Variants in RNF216 observed in about 807,000 individuals in gnomAD.
The protein encoded by RNF216 is E3 ubiquitin-protein ligase RNF216.
Under a neutral mutation model 110.8 loss-of-function variants are expected in RNF216, and 72 were observed. The observed-to-expected ratio is 0.65, with a 90% CI of 0.54 to 0.79. The LOEUF is 0.79. Ranked by LOEUF, RNF216 falls within the 30% of genes least tolerant of loss-of-function variation. The pLI, the probability that RNF216 is intolerant of heterozygous loss-of-function variation, is 0.00. For missense variants in RNF216, 1,342 were observed against 1,141.2 expected (o/e 1.18, Z -2.54); for synonymous variants, 495 against 407.5 (o/e 1.21, Z -2.59).
intron 2 of RNF216, among the ~76,000 whole-genome samples, chr7:5,756,108 G>C (rs537701363): frequency 1.5e-5 from 2 of 133,594 alleles, no homozygotes; most frequent in African/African-American, 5.0e-5. Context: ...TTCTGCTCTC[G>C]TGATAGTGAG....
intron 15 of RNF216, among the ~76,000 whole-genome samples, chr7:5,636,013 C>A (rs925641453): frequency 6.6e-6 from 1 of 152,182 alleles, no homozygotes; most frequent in African/African-American, 2.4e-5. Flanking sequence ...AAGACAAACA[C>A]GGACTTTGTT....
chr7:5,647,646 C>G (rs529398845), intron 14 of RNF216, among the ~76,000 whole-genome samples: 34 of 152,204 alleles, frequency 2.2e-4, no homozygotes, highest in Non-Finnish European at 4.9e-4. Context: ...TACTTAATCT[C>G]TCCCACTCCT....
intron 13 of RNF216, among the ~76,000 whole-genome samples, chr7:5,675,126 T>G (rs192186366): frequency 3.5e-4 from 53 of 152,348 alleles, no homozygotes; most frequent in African/African-American, 1.1e-3. Context: ...TTTTTTATTT[T>G]AAATAATGGC....
At chr7:5,745,367 G>C (rs1171469819) in intron 3 of RNF216, among the ~76,000 whole-genome samples, 1 of 152,084 alleles carries the variant, frequency 6.6e-6, no homozygotes, top group Non-Finnish European at 1.5e-5. Flanking sequence ...AAAGCAAAAA[G>C]GCACCATCAC....
At chr7:5,673,106 CT>C (rs1790027881) in intron 13 of RNF216, among the ~76,000 whole-genome samples, 1 of 152,156 alleles carries the variant, frequency 6.6e-6, no homozygotes, top group Non-Finnish European at 1.5e-5. Flanking sequence ...CCACCACTCT[CT>C]GGACCTCCGG....
chr7:5,636,938 G>A (rs1028220471), intron 15 of RNF216, among the ~76,000 whole-genome samples: 4 of 152,162 alleles, frequency 2.6e-5, no homozygotes, highest in Admixed American at 2.6e-4. Context: ...AACGGGAGGA[G>A]GCAGCAGAAG....
intron 8 of RNF216, among the ~76,000 whole-genome samples, chr7:5,722,380 T>TG (rs1793483803): frequency 7.7e-6 from 1 of 130,402 alleles, no homozygotes; most frequent in Admixed American, 7.9e-5. Context: ...TTTTTTTTTT[T>TG]GTTTGTTTGT....
At chr7:5,707,685 T>C (rs942604594) in intron 13 of RNF216, among the ~76,000 whole-genome samples, 1 of 149,870 alleles carries the variant, frequency 6.7e-6, no homozygotes, top group Non-Finnish European at 1.5e-5. Context: ...TTCCTGATCT[T>C]AGTAAAAAAA....
rs35195410 is a variant in RNF216 at position 5,768,294 on chromosome 7, G to GA, written c.-69-7157dup. Among the ~76,000 whole-genome samples, 964 of 116,704 alleles carry GA rather than the reference G, an allele frequency of 8.3e-3. 31 individuals carry two copies. Among genetic ancestry groups the GA allele is most frequent in the African/African-American group, 0.03 (918 of 30,546 alleles). The allele number at this position is 116,704 out of a possible 152,430, so 76.6% of individuals were successfully genotyped here. ...AGTGAGATCTTGTCGCTATTAGGGG[G>GA]AAAAAAAAAAAAAAAGGCTGGGTCC... On this transcript the variant is annotated intron_variant, in intron 1 of 16. Transcript: ENST00000389902.
rs764955187 is a variant in RNF216, at chr7:5,622,872, C to T, written c.2760G>A (p.Arg920=). The T allele has an allele frequency of 5.4e-5, 87 of 1,600,982 alleles. No individual in the cohort carries two copies. The highest frequency in any genetic ancestry group is 7.2e-5 in the Non-Finnish European group (84 of 1,171,118). ...NLPMHFGPQP[R]HRF Reference sequence around the variant, plus strand: ...GGATTCGGGGCCATCAGAAGCGATGCCGCGGCTGGGGGCCAAAGTGCATGG... The same window carrying T: ...GGATTCGGGGCCATCAGAAGCGATGTCGCGGCTGGGGGCCAAAGTGCATGG... The change falls in exon 17 of 17, where the codon CGG becomes CGA. Residue 920 remains arginine, a synonymous_variant. Coordinates refer to ENST00000389902, the MANE Select transcript of RNF216 (RefSeq NM_207111.4).
At chr7:5,730,578 A>T in intron 6 of RNF216, 137 bp downstream of exon 6, 1 of 1,130,842 alleles carries the variant, frequency 8.8e-7, no homozygotes, top group Non-Finnish European at 1.2e-6. Context: ...ATATTCTGAA[A>T]TCCTATGTCC....
intron 8 of RNF216, among the ~76,000 whole-genome samples, chr7:5,721,431 A>T (rs546373361): frequency 6.6e-6 from 1 of 152,222 alleles, no homozygotes; most frequent in African/African-American, 2.4e-5. Context: ...TCACTAGTGT[A>T]CTATGTGAAT....
intron 1 of RNF216, among the ~76,000 whole-genome samples, chr7:5,768,328 G>A (rs7782328): frequency 0.24 from 20,782 of 86,930 alleles, 2,472 homozygotes; most frequent in Middle Eastern, 0.43. Context: ...CCAGTAGTGG[G>A]AGGCCGAGGC....
At chr7:5,719,118 T>C (rs189802957) in intron 9 of RNF216, among the ~76,000 whole-genome samples, 14 of 152,312 alleles carry the variant, frequency 9.2e-5, no homozygotes, top group Admixed American at 3.3e-4. Context: ...TGGTGGTGCA[T>C]GCCTGTAACC....
At position 5,622,965 on chromosome 7, in the gene RNF216, G is replaced by A; in HGVS notation, c.2667C>T (p.Pro889=). Reference sequence around the variant, plus strand: ...AGTTGACCCGCACGTTGGGCAGAGGGGGCACGTACGGGGCTGGGATAGGCC... The same window carrying A: ...AGTTGACCCGCACGTTGGGCAGAGGAGGCACGTACGGGGCTGGGATAGGCC... ...NMGPIPAPYV[P]PLPNVRVNYD... Residue 889 remains proline (P), a synonymous_variant, in exon 17 of 17, where the codon CCC becomes CCT. Transcript: ENST00000389902. 6.2e-7 allele frequency: 1 copy of A among 1,614,094 alleles called. No individual in the cohort carries two copies. Among genetic ancestry groups the A allele is most frequent in the Non-Finnish European group, 8.5e-7 (1 of 1,180,018 alleles).
chr7:5,701,743 C>A (rs773477257), intron 13 of RNF216, among the ~76,000 whole-genome samples: 119 of 152,314 alleles, frequency 7.8e-4, no homozygotes, highest in Middle Eastern at 3.4e-3. Context: ...GCAACAGCCA[C>A]GCATTTCACT....
chr7:5,763,658 A>C (rs933676374), intron 1 of RNF216, among the ~76,000 whole-genome samples: 5 of 151,904 alleles, frequency 3.3e-5, no homozygotes, highest in Non-Finnish European at 7.4e-5. Flanking sequence ...ACAGCCTTGA[A>C]CCCCTGGGCT....
intron 13 of RNF216, among the ~76,000 whole-genome samples, chr7:5,675,954 C>G (rs2128600647): frequency 6.6e-6 from 1 of 151,978 alleles, no homozygotes; most frequent in East Asian, 1.9e-4. Context: ...GATGATCCGC[C>G]CACCTCAGCC....
chr7:5,769,843 C>A (rs1005165106), intron 1 of RNF216, among the ~76,000 whole-genome samples: 1 of 150,736 alleles, frequency 6.6e-6, no homozygotes, highest in Non-Finnish European at 1.5e-5. Flanking sequence ...TTGAGACCAG[C>A]CTGGCCAACA....
Sources: allele counts gnomAD v4.1 joint callset (sites outside exome capture counted in the v4.1 genomes callset), GRCh38; gene constraint gnomAD v4.1.1; transcripts MANE v1.5; gene names NCBI Gene and HGNC (gene_info 2026-07-23, HGNC 2026-07-21).